Variants in CNTN5 observed in about 807,000 individuals in gnomAD.
CNTN5 encodes the protein contactin 5.
Under a neutral mutation model 129.1 loss-of-function variants are expected in CNTN5, and 77 were observed. The ratio of observed to expected loss-of-function variants is 0.60; its 90% CI spans 0.50 to 0.72. The LOEUF is 0.72. Ranked by LOEUF, CNTN5 falls within the 30% of genes least tolerant of loss-of-function variation. CNTN5 has a pLI of 0.00. For missense variants in CNTN5, 1,478 were observed against 1,328.8 expected, an observed-to-expected ratio of 1.11 and a Z score of -1.75; for synonymous variants, 509 against 465.6, an observed-to-expected ratio of 1.09 and a Z score of -1.20.
At chr11:99,390,001 T>C (rs2136185017) in intron 2 of CNTN5, among the ~76,000 whole-genome samples, 1 of 152,204 alleles carries the variant, frequency 6.6e-6, no homozygotes, top group African/African-American at 2.4e-5. Flanking sequence ...ATCTAAAGCA[T>C]GCTTTAAATA....
rs535592748 is a variant in CNTN5, at chr11:99,157,455, C to A, written c.-210+136185C>A. Among the ~76,000 whole-genome samples, 95 of 152,016 alleles carry A rather than the reference C, an allele frequency of 6.2e-4. 1 individual carries two copies. Among genetic ancestry groups the A allele is most frequent in the African/African-American group, 2.2e-3 (90 of 41,506 alleles). ...AATCACTGCATTTAACTATTTTTAT[C>A]TTTTTGAGCTCATTTTTGGTATACA... On this transcript the variant is annotated intron_variant, in intron 1 of 24. Coordinates refer to ENST00000524871, the MANE Select transcript of CNTN5 (RefSeq NM_014361.4).
intron 2 of CNTN5, among the ~76,000 whole-genome samples, chr11:99,523,392 C>A (rs375024410): frequency 1.4e-4 from 21 of 152,140 alleles, no homozygotes; most frequent in African/African-American, 5.1e-4. Flanking sequence ...TTTAGGACTT[C>A]CAGACCAGCC....
chr11:99,119,448 T>C (rs572853100), intron 1 of CNTN5, among the ~76,000 whole-genome samples: 2 of 152,306 alleles, frequency 1.3e-5, no homozygotes, highest in East Asian at 3.9e-4. Flanking sequence ...GCTCCATCTA[T>C]GTTCCTTCAA....
At chr11:99,222,015 T>G (rs1391367252) in intron 1 of CNTN5, among the ~76,000 whole-genome samples, 1 of 151,982 alleles carries the variant, frequency 6.6e-6, no homozygotes. Context: ...ACTTTTTTTG[T>G]CTTCAGTAAC....
At chr11:99,687,155 ATTG>A (rs1423875309) in intron 3 of CNTN5, among the ~76,000 whole-genome samples, 7 of 136,942 alleles carry the variant, frequency 5.1e-5, no homozygotes, top group African/African-American at 1.7e-4. Context: ...AAATTCTTCA[ATTG>A]TTGTTTTGTA....
intron 3 of CNTN5, among the ~76,000 whole-genome samples, chr11:99,766,521 C>A (rs1323139048): frequency 5.3e-5 from 8 of 151,930 alleles, no homozygotes; most frequent in African/African-American, 1.9e-4. Context: ...TTATTTTATA[C>A]TGAAAACTAA....
chr11:99,693,029 C>G (rs898939104), intron 3 of CNTN5, among the ~76,000 whole-genome samples: 1 of 152,050 alleles, frequency 6.6e-6, no homozygotes, highest in Non-Finnish European at 1.5e-5. Context: ...TAATCTAAAA[C>G]AGGAAGTACA....
chr11:100,135,022 C>T (rs2138225536), intron 13 of CNTN5, among the ~76,000 whole-genome samples: 1 of 152,110 alleles, frequency 6.6e-6, no homozygotes, highest in East Asian at 1.9e-4. Context: ...TTAATTCATT[C>T]ATTGATTCAT....
chr11:99,781,268 C>A (rs1945300888), intron 3 of CNTN5, among the ~76,000 whole-genome samples: 1 of 152,006 alleles, frequency 6.6e-6, no homozygotes, highest in Non-Finnish European at 1.5e-5. Context: ...ATGTATTGCT[C>A]AACTCAACAG....
At position 99,662,139 on chromosome 11, in the gene CNTN5, C is replaced by T. The variant is rs183745507; in HGVS notation, c.55+105870C>T. 1.4e-4 allele frequency among the ~76,000 whole-genome samples: 22 copies of T among 152,030 alleles called. No homozygotes were observed. The East Asian group carries it at 2.1e-3, about 15-fold the overall frequency. On this transcript the variant is annotated intron_variant, in intron 3 of 24. Coordinates refer to ENST00000524871, the MANE Select transcript of CNTN5 (RefSeq NM_014361.4). ...ATAATTTTCTACTAACGGGGTTTGC[C>T]CTTCTGAACTATATACTTAAAAGTG...
At chr11:99,622,276 G>A (rs536502923) in intron 3 of CNTN5, among the ~76,000 whole-genome samples, 1 of 151,990 alleles carries the variant, frequency 6.6e-6, no homozygotes. Flanking sequence ...TTTACAACAC[G>A]TGGCTGTCTT....
In CNTN5 at chr11:100,236,244, C is replaced by T. The variant is rs940440796; in HGVS notation, c.2005+11432C>T. On this transcript the variant is annotated intron_variant, in intron 16 of 24. Coordinates refer to ENST00000524871, the MANE Select transcript of CNTN5 (RefSeq NM_014361.4). ...CCTACTCCTTCTTTAAGCACTCACT[C>T]ATTGGGGCAGCGTTAAGTCCAGTCC... Among the ~76,000 whole-genome samples, 5 of 152,258 alleles carry T rather than the reference C, an allele frequency of 3.3e-5. No homozygotes were observed. The South Asian group carries it at 6.2e-4, about 19-fold the overall frequency.
intron 15 of CNTN5, among the ~76,000 whole-genome samples, chr11:100,206,042 T>C (rs1948904738): frequency 6.6e-6 from 1 of 152,064 alleles, no homozygotes; most frequent in East Asian, 1.9e-4. Context: ...AGCACTGTCT[T>C]TGAGGGTCAG....
intron 9 of CNTN5, among the ~76,000 whole-genome samples, chr11:100,017,429 G>A (rs1273609981): frequency 2.0e-5 from 3 of 152,018 alleles, no homozygotes; most frequent in Admixed American, 1.3e-4. Flanking sequence ...AGTTTAATTG[G>A]CAGTGTTTTC....
At chr11:99,129,794 T>C (rs905495115) in intron 1 of CNTN5, among the ~76,000 whole-genome samples, 11 of 151,832 alleles carry the variant, frequency 7.2e-5, no homozygotes, top group South Asian at 6.2e-4. Context: ...TCAGAAGAGA[T>C]TGGGAGCCAA....
intron 15 of CNTN5, among the ~76,000 whole-genome samples, chr11:100,205,691 T>TACAAATATAAA (rs11274818): frequency 0.78 from 118,309 of 151,540 alleles, 46,371 homozygotes; most frequent in East Asian, 0.9. Context: ...CAACAAAAAA[T>TACAAATATAAA]ACAGTACAGT....
chr11:99,956,254 C>T (rs1385181614), intron 7 of CNTN5, among the ~76,000 whole-genome samples: 1 of 151,962 alleles, frequency 6.6e-6, no homozygotes, highest in African/African-American at 2.4e-5. Context: ...ATCATACTGT[C>T]TCTGAAAGTC....
intron 3 of CNTN5, among the ~76,000 whole-genome samples, chr11:99,572,305 A>C (rs1189525973): frequency 2.0e-5 from 3 of 152,212 alleles, no homozygotes; most frequent in Non-Finnish European, 4.4e-5. Flanking sequence ...AAGCTAAAAA[A>C]AATCGTATTA....
intron 1 of CNTN5, among the ~76,000 whole-genome samples, chr11:99,026,768 G>T (rs555160133): frequency 6.6e-6 from 1 of 151,520 alleles, no homozygotes; most frequent in Admixed American, 6.6e-5. Context: ...GCAAAAGATG[G>T]AATTAGAACC....
Sources: allele counts gnomAD v4.1 joint callset (sites outside exome capture counted in the v4.1 genomes callset), GRCh38; gene constraint gnomAD v4.1.1; transcripts MANE v1.5; gene names NCBI Gene and HGNC (gene_info 2026-07-23, HGNC 2026-07-21).